The following STAU2 variants were observed in gnomAD, a reference collection of about 807,000 sequenced individuals.
The protein encoded by STAU2 is staufen double-stranded RNA binding protein 2.
STAU2 carries 20 observed loss-of-function variants against 65.9 expected under a neutral mutation model. The observed-to-expected ratio is 0.30, with a 90% CI of 0.21 to 0.44. The LOEUF is 0.44. Among genes scored for constraint, STAU2 ranks in the 20% least tolerant of loss-of-function variants. The pLI is 1.00. For synonymous variants in STAU2, 232 were observed against 233.9 expected (o/e 0.99, Z 0.07); for missense variants, 558 against 683.9 (o/e 0.82, Z 2.05).
rs555022272 is a variant in STAU2, at chr8:73,678,129, A to G, written c.275-4887T>C. ...TGAGTCTCTTTCTTTCTTCACCCAT[A>G]AACTATGACAATGGTTTTTTAGTGT... On this transcript the variant is annotated intron_variant, in intron 5 of 14. Coordinates refer to ENST00000524300, the MANE Select transcript of STAU2 (RefSeq NM_001164380.2). Among the ~76,000 whole-genome samples, 4 of 152,190 alleles carry G rather than the reference A, an allele frequency of 2.6e-5. No individual in the cohort carries two copies. The East Asian group carries it at 7.7e-4, about 29-fold the overall frequency.
chr8:73,724,406 G>A (rs1037427150), intron 3 of STAU2, among the ~76,000 whole-genome samples: 1 of 151,888 alleles, frequency 6.6e-6, no homozygotes, highest in Admixed American at 6.6e-5. Context: ...GACTTACGAT[G>A]GTTCACCTTA....
chr8:73,664,641 T>C (rs1817098847), intron 6 of STAU2, among the ~76,000 whole-genome samples: 1 of 152,240 alleles, frequency 6.6e-6, no homozygotes. Context: ...ATAAACTTCA[T>C]TTAATCATAA....
intron 13 of STAU2, chr8:73,549,614 C>T (rs1158297682): frequency 2.0e-6 from 2 of 981,668 alleles, no homozygotes; most frequent in South Asian, 4.7e-5. Flanking sequence ...GTTTTCAATA[C>T]ACTCATATAT....
In STAU2 at chr8:73,421,292, C is replaced by G; in HGVS notation, c.*80G>C. On this transcript the variant is annotated 3_prime_UTR_variant, in exon 15 of 15. Transcript: ENST00000524300. ...GACTCAAATAATGGTATTAGTCATT[C>G]ATTTCCCTGAACACAGACACCCTCA... The G allele has an allele frequency of 8.2e-7, 1 of 1,213,440 alleles. No homozygotes were observed. Among genetic ancestry groups the G allele is most frequent in the Non-Finnish European group, 1.2e-6 (1 of 854,498 alleles). 75.2% of individuals were successfully genotyped at this position (1,213,440 alleles called of 1,614,324 possible).
intron 13 of STAU2, among the ~76,000 whole-genome samples, chr8:73,466,913 C>G (rs1176908447): frequency 6.6e-6 from 1 of 152,208 alleles, no homozygotes; most frequent in Admixed American, 6.5e-5. Context: ...TCTGGTCTAC[C>G]AGGCCCACCA....
At chr8:73,688,519 TGTGTGTGTGTGTAG>T in intron 5 of STAU2, 121 bp downstream of exon 5, 26 of 692,260 alleles carry the variant, frequency 3.8e-5, no homozygotes, top group Non-Finnish European at 5.7e-5. Context: ...TGTGTGTGTG[TGTGTGTGTGTGTAG>T]GTATGGGCAT....
chr8:73,570,438 T>C (rs113317071), intron 12 of STAU2, among the ~76,000 whole-genome samples: 12 of 152,176 alleles, frequency 7.9e-5, no homozygotes, highest in African/African-American at 1.9e-4. Flanking sequence ...CTCCAAGAAA[T>C]AGCAGACTAT....
rs1315314276 is a variant in STAU2, at chr8:73,549,790, G to A, written c.1530+2222C>T. ...AAAAAAGTTCTAACCTAGAAACACAGAAAAAGAATTTATTGTTTTTAAGTT... is the reference window on the plus strand; with the variant it reads ...AAAAAAGTTCTAACCTAGAAACACAAAAAAAGAATTTATTGTTTTTAAGTT... On this transcript the variant is annotated intron_variant, in intron 13 of 14. Transcript: ENST00000524300. 3 of 985,320 alleles carry A rather than the reference G, an allele frequency of 3.0e-6. No individual in the cohort carries two copies. The South Asian group carries it at 1.4e-4, about 46-fold the overall frequency. The allele number at this position is 985,320 out of a possible 1,614,324, so 61.0% of individuals were successfully genotyped here. A position where few individuals can be genotyped will look rare whatever the true frequency, so the allele number is the denominator to read the frequency against.
chr8:73,693,839 G>A (rs1414890836), intron 4 of STAU2, among the ~76,000 whole-genome samples: 1 of 152,184 alleles, frequency 6.6e-6, no homozygotes, highest in Non-Finnish European at 1.5e-5. Flanking sequence ...GTGAAATGAG[G>A]CTAATAAGAA....
At chr8:73,555,686 T>C (rs1807700112) in intron 12 of STAU2, among the ~76,000 whole-genome samples, 1 of 152,144 alleles carries the variant, frequency 6.6e-6, no homozygotes, top group African/African-American at 2.4e-5. Context: ...TTGTGTAATC[T>C]AGAGAAGATT....
At chr8:73,487,725 T>A (rs964918565) in intron 13 of STAU2, among the ~76,000 whole-genome samples, 25 of 152,222 alleles carry the variant, frequency 1.6e-4, no homozygotes, top group Admixed American at 4.6e-4. Flanking sequence ...GAACAATGGT[T>A]CAAATAATCC....
intron 13 of STAU2, among the ~76,000 whole-genome samples, chr8:73,491,119 G>T (rs1051518316): frequency 6.6e-6 from 1 of 151,994 alleles, no homozygotes; most frequent in African/African-American, 2.4e-5. Flanking sequence ...ACATGTAAAT[G>T]TTGAATGAGG....
chr8:73,500,520 T>C (rs1055298127), intron 13 of STAU2, among the ~76,000 whole-genome samples: 2 of 151,914 alleles, frequency 1.3e-5, no homozygotes, highest in Non-Finnish European at 1.5e-5. Context: ...TAACAAACTA[T>C]GCTTGTTTCT....
intron 13 of STAU2, among the ~76,000 whole-genome samples, chr8:73,530,166 T>C (rs921485374): frequency 6.6e-6 from 1 of 152,154 alleles, no homozygotes; most frequent in African/African-American, 2.4e-5. Flanking sequence ...ATGCCAGCTG[T>C]AGCCTGCAAG....
At chr8:73,638,087 C>A (rs531026464) in intron 6 of STAU2, among the ~76,000 whole-genome samples, 6 of 151,966 alleles carry the variant, frequency 3.9e-5, no homozygotes. Flanking sequence ...ATATACATAT[C>A]CAGAGAATAT....
Position 73,638,014 on chromosome 8 carries a change from G to GA in STAU2, c.411-20564dup, listed in dbSNP as rs994372533. On this transcript the variant is annotated intron_variant, in intron 6 of 14. Coordinates refer to ENST00000524300, the MANE Select transcript of STAU2 (RefSeq NM_001164380.2). ...ATGCTGTTTAAGGTATTTTTCAAAG[G>GA]AAAAAAAAACAGATTCGGAATACTA... is the stretch of plus-strand genomic sequence containing the variant. Among the ~76,000 whole-genome samples, 19 of 146,004 alleles carry GA rather than the reference G, an allele frequency of 1.3e-4. No homozygotes were observed. In the East Asian group the frequency reaches 1.6e-3, roughly 12 times the overall value.
At position 73,550,367 on chromosome 8, in the gene STAU2, G is replaced by C. The variant is rs932121515; in HGVS notation, c.1530+1645C>G. On this transcript the variant is annotated intron_variant, in intron 13 of 14. Transcript: ENST00000524300. ...AATTATTGTCATTGCCAAGAGCTTA[G>C]AAATAAAAACAAATTTAAAAAATTA... 5 of 984,084 alleles carry C rather than the reference G, an allele frequency of 5.1e-6. No individual in the cohort carries two copies. In the South Asian group the frequency reaches 2.4e-4, roughly 46 times the overall value. 61.0% of individuals were successfully genotyped at this position (984,084 alleles called of 1,614,324 possible). A position where few individuals can be genotyped will look rare whatever the true frequency, so the allele number is the denominator to read the frequency against.
intron 13 of STAU2, among the ~76,000 whole-genome samples, chr8:73,529,632 TTAA>T (rs1304632063): frequency 1.3e-5 from 2 of 152,228 alleles, no homozygotes; most frequent in Admixed American, 6.5e-5. Context: ...TCAGATACCA[TTAA>T]TGAGACATAT....
chr8:73,667,596 G>C (rs1817333268), intron 6 of STAU2, among the ~76,000 whole-genome samples: 1 of 152,074 alleles, frequency 6.6e-6, no homozygotes, highest in Non-Finnish European at 1.5e-5. Context: ...ATCTGGATGG[G>C]GTGCTTAGTT....
Sources: gnomAD v4.1 joint callset for allele counts (sites outside exome capture counted in the v4.1 genomes callset) on GRCh38, gnomAD v4.1.1 for gene constraint, MANE v1.5 for transcripts, NCBI Gene and HGNC (gene_info 2026-07-23, HGNC 2026-07-21) for gene names.